The following TSHZ2 variants were observed in gnomAD, a reference collection of about 807,000 sequenced individuals.
The protein encoded by TSHZ2 is teashirt homolog 2.
In TSHZ2, 21 loss-of-function variants were observed where a neutral mutation model predicts 74.4. The ratio of observed to expected loss-of-function variants is 0.28; its 90% CI spans 0.20 to 0.41. The LOEUF is 0.41. TSHZ2 is among the 10% of genes least tolerant of loss of function. The pLI is 1.00. For missense variants in TSHZ2, 1,244 were observed against 1,293.5 expected (o/e 0.96, Z 0.59); for synonymous variants, 540 against 515.3 (o/e 1.05, Z -0.65).
At chr20:53,234,657 T>G (rs1989899883) in intron 1 of TSHZ2, among the ~76,000 whole-genome samples, 1 of 151,984 alleles carries the variant, frequency 6.6e-6, no homozygotes, top group East Asian at 1.9e-4. Flanking sequence ...TGAAGGAAGT[T>G]AGGAAAAGTG....
At chr20:53,480,038 G>A (rs1739091506) in intron 2 of TSHZ2, among the ~76,000 whole-genome samples, 1 of 150,732 alleles carries the variant, frequency 6.6e-6, no homozygotes, top group South Asian at 2.1e-4. Flanking sequence ...AGGAGTTGAA[G>A]ACCAGCATGG....
At chr20:53,473,642 A>C (rs1209397964) in intron 2 of TSHZ2, among the ~76,000 whole-genome samples, 3 of 151,106 alleles carry the variant, frequency 2.0e-5, no homozygotes, top group Non-Finnish European at 4.4e-5. Flanking sequence ...CAGCAACGGA[A>C]CAAAGCTGGA....
intron 1 of TSHZ2, among the ~76,000 whole-genome samples, chr20:53,090,577 A>C (rs1985853456): frequency 6.6e-6 from 1 of 152,134 alleles, no homozygotes; most frequent in Non-Finnish European, 1.5e-5. Flanking sequence ...AATGGAGTGC[A>C]CCTCTGTAAG....
chr20:53,211,865 C>G (rs1600744060), intron 1 of TSHZ2, among the ~76,000 whole-genome samples: 1 of 152,230 alleles, frequency 6.6e-6, no homozygotes, highest in East Asian at 1.9e-4. Flanking sequence ...CAATAGGTAA[C>G]TTTTCAACAC....
chr20:53,254,057 A>C lies in TSHZ2; in HGVS notation c.599A>C (p.Gln200Pro). Residue 200 changes from glutamine to proline, a missense_variant, in exon 2 of 3, where the codon CAG (glutamine) becomes CCG (proline). Physicochemically the swap from Gln to Pro is moderately conservative, Grantham distance 76. This residue lies in a region of TSHZ2 where 470 missense variants were observed against 456.5 expected (regional missense o/e 1.03). Transcript: ENST00000371497. ...SLFSSVQLYR[Q>P]SSKMCGTVFT... ...TTCAGCTCGGTGCAGTTGTACCGAC[A>C]GAGCAGCAAGATGTGCGGGACTGTG... The C allele has an allele frequency of 6.2e-7, 1 of 1,614,194 alleles. No homozygotes were observed. Among genetic ancestry groups the C allele is most frequent in the Non-Finnish European group, 8.5e-7 (1 of 1,180,042 alleles).
intron 1 of TSHZ2, among the ~76,000 whole-genome samples, chr20:53,035,567 A>G (rs1282758466): frequency 6.6e-6 from 1 of 152,212 alleles, no homozygotes; most frequent in African/African-American, 2.4e-5. Context: ...ATTAATTAAA[A>G]TATTATTTCC....
chr20:53,315,155 C>T (rs1271874908), intron 2 of TSHZ2, among the ~76,000 whole-genome samples: 2 of 152,162 alleles, frequency 1.3e-5, no homozygotes, highest in Admixed American at 6.5e-5. Context: ...CTTTGGAAAT[C>T]GCTACACTCT....
chr20:53,436,949 T>G (rs2145746319), intron 2 of TSHZ2, among the ~76,000 whole-genome samples: 1 of 152,306 alleles, frequency 6.6e-6, no homozygotes, highest in South Asian at 2.1e-4. Context: ...TTGCTCCCAT[T>G]GTCCTCCTTG....
At chr20:53,085,214 A>C (rs2123242368) in intron 1 of TSHZ2, among the ~76,000 whole-genome samples, 1 of 152,042 alleles carries the variant, frequency 6.6e-6, no homozygotes, top group Middle Eastern at 3.4e-3. Context: ...AATACAAAAA[A>C]ATCAGCCGGG....
At chr20:53,001,228 G>GTATGTGTGTGTGTA (rs57496923) in intron 1 of TSHZ2, among the ~76,000 whole-genome samples, 4 of 143,484 alleles carry the variant, frequency 2.8e-5, no homozygotes, top group African/African-American at 1.1e-4. Context: ...GTGTGTGTGT[G>GTATGTGTGTGTGTA]TGTGTGTGTG....
intron 1 of TSHZ2, among the ~76,000 whole-genome samples, chr20:52,995,756 G>A (rs1395681314): frequency 6.6e-6 from 1 of 151,708 alleles, no homozygotes; most frequent in African/African-American, 2.4e-5. Context: ...GGGACTACAG[G>A]CATACGCCTC....
At chr20:53,436,211 A>C (rs1984059135) in intron 2 of TSHZ2, among the ~76,000 whole-genome samples, 1 of 152,160 alleles carries the variant, frequency 6.6e-6, no homozygotes, top group Admixed American at 6.5e-5. Context: ...GCAAGCTATG[A>C]TGGTTCCAAA....
intron 2 of TSHZ2, among the ~76,000 whole-genome samples, chr20:53,415,670 G>A (rs376389502): frequency 0.11 from 7 of 66 alleles, no homozygotes; most frequent in Admixed American, 0.27. Context: ...ATAGTAAAAC[G>A]TGATGTATGT....
intron 1 of TSHZ2, among the ~76,000 whole-genome samples, chr20:53,243,129 C>G (rs188963372): frequency 5.0e-4 from 76 of 151,646 alleles, no homozygotes; most frequent in African/African-American, 1.7e-3. Context: ...GGAGCTGAAA[C>G]TAAAAGAATT....
chr20:53,168,304 T>C (rs150112901), intron 1 of TSHZ2, among the ~76,000 whole-genome samples: 1 of 152,140 alleles, frequency 6.6e-6, no homozygotes. Context: ...CAAAAATGAC[T>C]CCAGACATTG....
rs377460649 is a variant in TSHZ2 at position 53,264,446 on chromosome 20, C to A, written c.*8+7875C>A. 7.9e-5 allele frequency among the ~76,000 whole-genome samples: 12 copies of A among 152,292 alleles called. 1 individual carries two copies. The East Asian group carries it at 2.1e-3, about 27-fold the overall frequency. On this transcript the variant is annotated intron_variant, in intron 2 of 2. Coordinates refer to ENST00000371497, the MANE Select transcript of TSHZ2 (RefSeq NM_173485.6). ...ATATGGAACAGACAATGTTTCAAAG[C>A]ATGGTGCCTTTAAAGTGCATAGTCT...
At position 53,106,975 on chromosome 20, in the gene TSHZ2, G is replaced by C. The variant is rs184461416; in HGVS notation, c.40+133642G>C. Reference sequence around the variant, plus strand: ...GGCCTCCCAAAGTCCTGGGATTACAGGCGTGAGCCACCGCGCCTGGCCCTT... The same window carrying C: ...GGCCTCCCAAAGTCCTGGGATTACACGCGTGAGCCACCGCGCCTGGCCCTT... On this transcript the variant is annotated intron_variant, in intron 1 of 2. Transcript: ENST00000371497. Among the ~76,000 whole-genome samples the C allele has an allele frequency of 1.4e-4, 22 of 152,254 alleles. No individual in the cohort carries two copies. In the East Asian group the frequency reaches 4.1e-3, roughly 28 times the overall value.
At chr20:53,358,645 G>T (rs941608976) in intron 2 of TSHZ2, among the ~76,000 whole-genome samples, 5 of 151,832 alleles carry the variant, frequency 3.3e-5, no homozygotes, top group African/African-American at 9.7e-5. Context: ...GCACCCAGCC[G>T]TTCTTCATCT....
chr20:53,152,598 T>C (rs1407390573), intron 1 of TSHZ2, among the ~76,000 whole-genome samples: 1 of 152,196 alleles, frequency 6.6e-6, no homozygotes, highest in Non-Finnish European at 1.5e-5. Context: ...TCTCACAAGA[T>C]TTAACTGTTG....
Sources: gnomAD v4.1 joint callset for allele counts (sites outside exome capture counted in the v4.1 genomes callset) on GRCh38, gnomAD v4.1.1 for gene constraint, gnomAD v4.1.1 regional missense constraint, MANE v1.5 for transcripts, NCBI Gene and HGNC (gene_info 2026-07-23, HGNC 2026-07-21) for gene names.